CAMTA1: variants seen among roughly 807,000 people sequenced by gnomAD.
The protein encoded by CAMTA1 is calmodulin binding transcription activator 1, also known as calmodulin-binding transcription activator 1.
In CAMTA1, 27 loss-of-function variants were observed where a neutral mutation model predicts 170.9. The ratio of observed to expected loss-of-function variants is 0.16; its 90% CI spans 0.12 to 0.22. CAMTA1 has a LOEUF of 0.22. Among genes scored for constraint, CAMTA1 ranks in the 10% least tolerant of loss-of-function variants. The pLI, the probability that CAMTA1 is intolerant of heterozygous loss-of-function variation, is 1.00. For synonymous variants in CAMTA1, 833 were observed against 891.5 expected (o/e 0.93, Z 1.17); for missense variants, 1,619 against 2,217.2 (o/e 0.73, Z 5.42).
chr1:7,265,928 G>T (rs928520364), intron 5 of CAMTA1, among the ~76,000 whole-genome samples: 3 of 152,178 alleles, frequency 2.0e-5, no homozygotes, highest in South Asian at 4.1e-4. Context: ...CAAGGGTAGG[G>T]CTTGTTTGAT....
intron 4 of CAMTA1, among the ~76,000 whole-genome samples, chr1:7,138,769 C>T (rs6658444): frequency 0.21 from 31,624 of 151,904 alleles, 3,637 homozygotes; most frequent in Non-Finnish European, 0.26. Context: ...CCAAGGCAGG[C>T]GGATCATTTG....
intron 4 of CAMTA1, among the ~76,000 whole-genome samples, chr1:7,208,709 G>A (rs570493757): frequency 9.9e-4 from 151 of 152,340 alleles, no homozygotes; most frequent in African/African-American, 3.6e-3. Flanking sequence ...TTGAAGAGTG[G>A]GAAGGCTTTA....
At chr1:7,379,216 A>G (rs1388827291) in intron 5 of CAMTA1, among the ~76,000 whole-genome samples, 2 of 152,336 alleles carry the variant, frequency 1.3e-5, no homozygotes, top group South Asian at 2.1e-4. Context: ...TTTATACACA[A>G]TGCTGCTTTC....
chr1:6,943,291 A>G (rs2149439871), intron 3 of CAMTA1, among the ~76,000 whole-genome samples: 1 of 151,740 alleles, frequency 6.6e-6, no homozygotes, highest in African/African-American at 2.4e-5. Context: ...CAGCCTCCTC[A>G]GGGCTCAACT....
At chr1:6,857,331 T>C (rs1662812051) in intron 3 of CAMTA1, among the ~76,000 whole-genome samples, 1 of 152,248 alleles carries the variant, frequency 6.6e-6, no homozygotes, top group African/African-American at 2.4e-5. Context: ...CCCAGGTTTC[T>C]GGCTTAAGTC....
rs566474655 is a variant in CAMTA1, at chr1:7,286,990, G to A, written c.438+37364G>A. 6.6e-6 allele frequency among the ~76,000 whole-genome samples: 1 copy of A among 152,312 alleles called. No individual in the cohort carries two copies. Among genetic ancestry groups the A allele is most frequent in the East Asian group, 1.9e-4 (1 of 5,176 alleles). ...CTATCACTGTAAGTGTCAAAATTGTGATGGTCACTCTGAGACTTACTCCAT... is the reference window on the plus strand; with the variant it reads ...CTATCACTGTAAGTGTCAAAATTGTAATGGTCACTCTGAGACTTACTCCAT... On this transcript the variant is annotated intron_variant, in intron 5 of 22. Transcript: ENST00000303635. The surrounding 1 kb of genome is among the most constrained non-coding windows in gnomAD (Gnocchi z 4.2).
At chr1:7,553,236 T>TGAATGAATGAGG (rs1163802307) in intron 6 of CAMTA1, among the ~76,000 whole-genome samples, 16 of 13,154 alleles carry the variant, frequency 1.2e-3, no homozygotes, top group Non-Finnish European at 2.5e-3. Context: ...AATGAGGGAA[T>TGAATGAATGAGG]GAATGAATGA....
At chr1:7,591,647 C>T (rs574697723) in intron 6 of CAMTA1, among the ~76,000 whole-genome samples, 1 of 152,344 alleles carries the variant, frequency 6.6e-6, no homozygotes, top group South Asian at 2.1e-4. Flanking sequence ...TCCCGTGACT[C>T]CTGTTCTCAG....
chr1:7,655,114 CTA>C (rs1558064109), intron 7 of CAMTA1, among the ~76,000 whole-genome samples: 6 of 22,952 alleles, frequency 2.6e-4, no homozygotes, highest in African/African-American at 1.1e-3. Context: ...ATACACACAC[CTA>C]TACACACACC....
At chr1:6,861,262 T>C (rs1011444699) in intron 3 of CAMTA1, among the ~76,000 whole-genome samples, 2 of 152,104 alleles carry the variant, frequency 1.3e-5, no homozygotes, top group African/African-American at 4.8e-5. Context: ...GGCCATGGAG[T>C]GTGACTTTAC....
chr1:6,932,267 G>A (rs1684549753), intron 3 of CAMTA1, among the ~76,000 whole-genome samples: 1 of 152,176 alleles, frequency 6.6e-6, no homozygotes, highest in African/African-American at 2.4e-5. Flanking sequence ...TATAAATGGA[G>A]TCATACAGCA....
chr1:7,549,160 T>G (rs1575970700), intron 6 of CAMTA1, among the ~76,000 whole-genome samples: 2 of 124,994 alleles, frequency 1.6e-5, no homozygotes, highest in Admixed American at 8.2e-5. Context: ...GGGGCGGAGG[T>G]GCTGGTGGAG....
chr1:7,644,379 T>C (rs2095789154), intron 7 of CAMTA1, among the ~76,000 whole-genome samples: 1 of 152,236 alleles, frequency 6.6e-6, no homozygotes, highest in South Asian at 2.1e-4. Flanking sequence ...AGATCTTTCC[T>C]GTCTTTTGGA....
intron 6 of CAMTA1, among the ~76,000 whole-genome samples, chr1:7,522,538 C>T (rs1457365368): frequency 6.6e-6 from 1 of 152,134 alleles, no homozygotes; most frequent in Non-Finnish European, 1.5e-5. Context: ...ATGGACCATG[C>T]TTTTAGGACT....
At chr1:7,098,354 G>T (rs1642339806) in intron 4 of CAMTA1, among the ~76,000 whole-genome samples, 1 of 152,264 alleles carries the variant, frequency 6.6e-6, no homozygotes, top group African/African-American at 2.4e-5. Context: ...TTAGGTGCGT[G>T]TCAGCATTTT....
intron 4 of CAMTA1, among the ~76,000 whole-genome samples, chr1:7,238,121 C>T (rs751415573): frequency 6.6e-5 from 10 of 151,374 alleles, no homozygotes; most frequent in Non-Finnish European, 8.8e-5. Context: ...TTCACATATA[C>T]GTATCATTCA....
chr1:7,340,515 C>T (rs1574795905), intron 5 of CAMTA1, among the ~76,000 whole-genome samples: 1 of 148,528 alleles, frequency 6.7e-6, no homozygotes, highest in Non-Finnish European at 1.5e-5. Context: ...GTTGCTTTCT[C>T]CTATGAGCAG....
intron 6 of CAMTA1, among the ~76,000 whole-genome samples, chr1:7,617,172 T>C (rs1299972117): frequency 6.6e-6 from 1 of 152,208 alleles, no homozygotes; most frequent in African/African-American, 2.4e-5. Context: ...GCCAAGCGGC[T>C]GCTGTGGCTG....
chr1:7,025,920 C>T (rs948090960), intron 3 of CAMTA1, among the ~76,000 whole-genome samples: 1 of 152,084 alleles, frequency 6.6e-6, no homozygotes, highest in Non-Finnish European at 1.5e-5. Flanking sequence ...AGTTAGAGAC[C>T]AGCCTGGGCA....
Sources: allele counts gnomAD v4.1 joint callset (sites outside exome capture counted in the v4.1 genomes callset), GRCh38; gene constraint gnomAD v4.1.1; non-coding constraint Gnocchi (gnomAD v3.1); transcripts MANE v1.5; gene names NCBI Gene and HGNC (gene_info 2026-07-23, HGNC 2026-07-21).